The following PIEZO2 variants were observed in gnomAD, a reference collection of about 807,000 sequenced individuals.
PIEZO2 encodes the protein piezo type mechanosensitive ion channel component 2.
PIEZO2 carries 172 observed loss-of-function variants against 337.3 expected under a neutral mutation model. That is an observed-to-expected ratio of 0.51 (90% CI 0.45 to 0.58). PIEZO2 has a LOEUF of 0.58. Ranked by LOEUF, PIEZO2 falls within the 20% of genes least tolerant of loss-of-function variation. PIEZO2 has a pLI of 0.00. For missense variants in PIEZO2, 3,028 were observed against 3,391.3 expected, an observed-to-expected ratio of 0.89 and a Z score of 2.66; for synonymous variants, 1,251 against 1,228.5, an observed-to-expected ratio of 1.02 and a Z score of -0.38.
intron 2 of PIEZO2, among the ~76,000 whole-genome samples, chr18:10,996,438 T>C (rs2088016960): frequency 6.6e-6 from 1 of 152,212 alleles, no homozygotes; most frequent in South Asian, 2.1e-4. Flanking sequence ...GTGCAATTAT[T>C]TGGAAGTAAA....
Position 10,713,255 on chromosome 18 carries a change from A to G in PIEZO2, c.5423+1509T>C, listed in dbSNP as rs2035889090. ...TACCAATAAATATGGATCTGCCTCA[A>G]TAATAATTATTGGGTAGCAAAATAA... On this transcript the variant is annotated intron_variant, in intron 39 of 55. Transcript: ENST00000674853. This position sits in a 1 kb window ranked among gnomAD's most constrained non-coding sequence, Gnocchi z 4.5. Among the ~76,000 whole-genome samples the G allele has an allele frequency of 1.3e-5, 2 of 152,210 alleles. No homozygotes were observed. The highest frequency in any genetic ancestry group is 2.9e-5 in the Non-Finnish European group (2 of 68,040).
chr18:10,789,391 TACTTAGCTGG>T, intron 14 of PIEZO2, 26 bp from the exon 15 acceptor site: 1 of 1,522,508 alleles, frequency 6.6e-7, no homozygotes. Flanking sequence ...TGTGCTGTTA[TACTTAGCTGG>T]TTATCTGTGC....
Position 10,813,208 on chromosome 18 carries a change from T to C in PIEZO2, c.918-5934A>G, listed in dbSNP as rs945580043. 2.0e-4 allele frequency among the ~76,000 whole-genome samples: 30 copies of C among 152,282 alleles called. No individual in the cohort carries two copies. The highest frequency in any genetic ancestry group is 6.5e-4 in the African/African-American group (27 of 41,568). On this transcript the variant is annotated intron_variant, in intron 7 of 55. Transcript: ENST00000674853. The surrounding 1 kb of genome is among the most constrained non-coding windows in gnomAD (Gnocchi z 4.2). ...GTTGGCCAGGCTGGTCTCCAACTCC[T>C]GACCTCGTGATTTGCCCGCCTGGGC...
Position 10,696,422 on chromosome 18 carries a change from G to A in PIEZO2, c.6945C>T (p.Ile2315=). The A allele has an allele frequency of 1.2e-6, 2 of 1,614,252 alleles. No homozygotes were observed. Among genetic ancestry groups the A allele is most frequent in the Non-Finnish European group, 1.7e-6 (2 of 1,180,054 alleles). Residue 2315 remains isoleucine (I), a synonymous_variant, in exon 46 of 56, where the codon ATC becomes ATT. Transcript: ENST00000674853. Reference sequence around the variant, plus strand: ...AGGCCCAAAAGCCGAAGACAATGATGATGAAGTCCACAGTGTCAGCCAGGA... The same window carrying A: ...AGGCCCAAAAGCCGAAGACAATGATAATGAAGTCCACAGTGTCAGCCAGGA... ...LMFLADTVDF[I]IIVFGFWAFG...
chr18:11,103,826 C>T (rs572256488), intron 1 of PIEZO2, among the ~76,000 whole-genome samples: 10 of 149,512 alleles, frequency 6.7e-5, no homozygotes, highest in African/African-American at 1.5e-4. Context: ...TGCGTGTGTG[C>T]GTGTGTGTGT....
rs2039908992 is a variant in PIEZO2, at chr18:11,116,970, T to C, written c.64+31555A>G. On this transcript the variant is annotated intron_variant, in intron 1 of 55. Transcript: ENST00000674853. This position sits in a 1 kb window ranked among gnomAD's most constrained non-coding sequence, Gnocchi z 5.0. Reference sequence around the variant, plus strand: ...CTAAAAATATAAAAATTAGCCTGGCTTGGTGGCACGTGCCTGTAGTGCCAG... The same window carrying C: ...CTAAAAATATAAAAATTAGCCTGGCCTGGTGGCACGTGCCTGTAGTGCCAG... 6.6e-6 allele frequency among the ~76,000 whole-genome samples: 1 copy of C among 152,048 alleles called. No homozygotes were observed. The highest frequency in any genetic ancestry group is 2.4e-5 in the African/African-American group (1 of 41,462).
chr18:10,965,024 C>T (rs1213438252), intron 3 of PIEZO2, among the ~76,000 whole-genome samples: 1 of 152,130 alleles, frequency 6.6e-6, no homozygotes, highest in African/African-American at 2.4e-5. Flanking sequence ...TATTTCTAAT[C>T]TATTTTTTCT....
rs1409800587 is a variant in PIEZO2 at position 10,698,993 on chromosome 18, C to T, written c.6626G>A (p.Arg2209Lys). 2 of 1,537,026 alleles carry T rather than the reference C, an allele frequency of 1.3e-6. No homozygotes were observed. Among genetic ancestry groups the T allele is most frequent in the Admixed American group, 3.9e-5 (2 of 51,008 alleles). ...CTCGGAGCTGCTGCCGGAGCGCTTC[C>T]TCCGGACAGCTGTCTGCTGCTCCGG... ...TFPEQQTAVR[R>K]KRSGSSSEPS... Residue 2209 changes from arginine to lysine, a missense_variant, in exon 44 of 56, where the codon AGG becomes AAG. Physicochemically the swap from Arg to Lys is conservative, Grantham distance 26. Transcript: ENST00000674853.
In PIEZO2 at chr18:11,148,359, G is replaced by C. The variant is rs1238704188; in HGVS notation, c.64+166C>G. On this transcript the variant is annotated intron_variant, in intron 1 of 55. Transcript: ENST00000674853. The surrounding 1 kb of genome is among the most constrained non-coding windows in gnomAD (Gnocchi z 5.2). The stretch of plus-strand genomic sequence containing the variant: ...ACCCCGATCGCGCGCCCCAGAGTGG[G>C]AAGTGAGAGAGCCAGGCTGTGCACC... Among the ~76,000 whole-genome samples, 7 of 152,154 alleles carry C rather than the reference G, an allele frequency of 4.6e-5. No homozygotes were observed. The highest frequency in any genetic ancestry group is 1.7e-4 in the African/African-American group (7 of 41,422).
chr18:10,719,832 C>G (rs570779357), intron 36 of PIEZO2, among the ~76,000 whole-genome samples: 1 of 152,012 alleles, frequency 6.6e-6, no homozygotes, highest in South Asian at 2.1e-4. Context: ...TCCAAATAAA[C>G]CTTTTTACAA....
At position 11,028,768 on chromosome 18, in the gene PIEZO2, T is replaced by C. The variant is rs779052146; in HGVS notation, c.160+37359A>G. ...CTGAATAATACATGGCCAGCCAGCG[T>C]TGGCCATGGTGCTGTGCAGCTCATC... is the stretch of plus-strand genomic sequence containing the variant. On this transcript the variant is annotated intron_variant, in intron 2 of 55. Transcript: ENST00000674853. The surrounding 1 kb of genome is among the most constrained non-coding windows in gnomAD (Gnocchi z 4.8). 3.3e-5 allele frequency among the ~76,000 whole-genome samples: 5 copies of C among 152,190 alleles called. No individual in the cohort carries two copies. Among genetic ancestry groups the C allele is most frequent in the Non-Finnish European group, 5.9e-5 (4 of 68,042 alleles).
At chr18:10,703,878 TTACG>T (rs773284044) in intron 42 of PIEZO2, among the ~76,000 whole-genome samples, 6 of 148,410 alleles carry the variant, frequency 4.0e-5, no homozygotes, top group Non-Finnish European at 9.0e-5. Flanking sequence ...GTATGGAACT[TTACG>T]TTTACGTTTA....
At position 10,979,864 on chromosome 18, in the gene PIEZO2, T is replaced by C. The variant is rs2034597859; in HGVS notation, c.161-204A>G. On this transcript the variant is annotated intron_variant, in intron 2 of 55. Transcript: ENST00000674853. The surrounding 1 kb of genome is among the most constrained non-coding windows in gnomAD (Gnocchi z 4.0). ...CATCAAATATTTGGGTTTATATTTA[T>C]TAAAAATTCACTGTAAAAGAAGGAT... 6.6e-6 allele frequency among the ~76,000 whole-genome samples: 1 copy of C among 152,192 alleles called. No homozygotes were observed. Among genetic ancestry groups the C allele is most frequent in the Non-Finnish European group, 1.5e-5 (1 of 68,016 alleles).
chr18:10,687,715 T>C (rs990555465), intron 49 of PIEZO2, among the ~76,000 whole-genome samples: 29 of 152,182 alleles, frequency 1.9e-4, no homozygotes, highest in Admixed American at 1.8e-3. Context: ...CAGGTTTCCC[T>C]CTCGTTCTCT....
chr18:10,957,266 G>A lies in PIEZO2; in HGVS notation c.286+22269C>T, dbSNP rs1328510250. 2.3e-4 allele frequency among the ~76,000 whole-genome samples: 35 copies of A among 151,982 alleles called. 1 individual carries two copies. Among genetic ancestry groups the A allele is most frequent in the African/African-American group, 1.4e-4 (6 of 41,388 alleles). On this transcript the variant is annotated intron_variant, in intron 3 of 55. Transcript: ENST00000674853. ...ACAAAAATTAGCCAGGCATGGTGGCGTGAGCCTGTAATCCCAGCTACTTGG... is the reference window on the plus strand; with the variant it reads ...ACAAAAATTAGCCAGGCATGGTGGCATGAGCCTGTAATCCCAGCTACTTGG...
At chr18:11,118,079 T>A (rs2146182066) in intron 1 of PIEZO2, among the ~76,000 whole-genome samples, 1 of 152,352 alleles carries the variant, frequency 6.6e-6, no homozygotes. Flanking sequence ...TCTTGACACA[T>A]TCCACAGAGT....
At chr18:10,897,447 C>T (rs956828332) in intron 4 of PIEZO2, among the ~76,000 whole-genome samples, 1 of 152,190 alleles carries the variant, frequency 6.6e-6, no homozygotes, top group Non-Finnish European at 1.5e-5. Flanking sequence ...CCTCAGCCTC[C>T]CAAAATGCTG....
chr18:10,773,498 T>C lies in PIEZO2; in HGVS notation c.2699A>G (p.Gln900Arg), dbSNP rs532282380. ...EKLEGYSEKA[Q>R]KGDLGKDSEE... ...GCTGTCTTTCCCAAGATCACCCTTC[T>C]GGGCTTTTTCAGAGTAGCCCTCAAG... Residue 900 changes from glutamine to arginine, a missense_variant, in exon 20 of 56, where the codon CAG (glutamine) becomes CGG (arginine). Gln to Arg is a conservative substitution (Grantham distance 43, BLOSUM62 1). Around this residue, in one of 5 missense-constraint regions of PIEZO2, gnomAD observed 1,925 missense variants for 2,051.9 expected, o/e 0.94. Transcript: ENST00000674853. This position sits in a 1 kb window ranked among gnomAD's most constrained non-coding sequence, Gnocchi z 5.3. 2.0e-5 allele frequency: 30 copies of C among 1,537,464 alleles called. No homozygotes were observed. The highest frequency in any genetic ancestry group is 3.9e-5 in the Admixed American group (2 of 50,996).
rs1191612396 is a variant in PIEZO2, at chr18:10,670,542, T to C, written c.*985A>G. 6.6e-6 allele frequency: 1 copy of C among 152,142 alleles called. No homozygotes were observed. Among genetic ancestry groups the C allele is most frequent in the African/African-American group, 2.4e-5 (1 of 41,436 alleles). 9.4% of individuals were successfully genotyped at this position (152,142 alleles called of 1,614,324 possible). On this transcript the variant is annotated 3_prime_UTR_variant, in exon 56 of 56. Coordinates refer to ENST00000674853, the MANE Select transcript of PIEZO2 (RefSeq NM_001378183.1). ...CCCGTCTCAGATGTAAAAATGTGAA[T>C]TGGAATATGTAAACTCTTTGATATA... is the stretch of plus-strand genomic sequence containing the variant.
Sources: gnomAD v4.1 joint callset for allele counts (sites outside exome capture counted in the v4.1 genomes callset) on GRCh38, gnomAD v4.1.1 for gene constraint, gnomAD v4.1.1 regional missense constraint, Gnocchi (gnomAD v3.1) non-coding constraint, MANE v1.5 for transcripts, NCBI Gene and HGNC (gene_info 2026-07-23, HGNC 2026-07-21) for gene names.